GRIN2B: variants seen among roughly 807,000 people sequenced by gnomAD.
GRIN2B encodes the protein glutamate ionotropic receptor NMDA type subunit 2B.
A neutral mutation model predicts 114.5 loss-of-function variants in GRIN2B; 5 were observed. That is an observed-to-expected ratio of 0.04 (90% CI 0.02 to 0.09). GRIN2B has a LOEUF of 0.09. Among genes scored for constraint, GRIN2B ranks in the 10% least tolerant of loss-of-function variants. GRIN2B has a pLI of 1.00. For missense variants in GRIN2B, 1,108 were observed against 1,943.5 expected (o/e 0.57, Z 8.08); for synonymous variants, 787 against 745.1 (o/e 1.06, Z -0.92).
intron 3 of GRIN2B, among the ~76,000 whole-genome samples, chr12:13,819,106 C>T (rs1171643033): frequency 6.6e-6 from 1 of 152,060 alleles, no homozygotes; most frequent in Non-Finnish European, 1.5e-5. Flanking sequence ...AATCCTAATC[C>T]AATCTGACAA....
At chr12:13,771,460 A>G (rs556740451) in intron 3 of GRIN2B, among the ~76,000 whole-genome samples, 24 of 152,356 alleles carry the variant, frequency 1.6e-4, no homozygotes, top group Non-Finnish European at 2.8e-4. Flanking sequence ...ATTTCAAAAC[A>G]GAGCAGAAGC....
intron 5 of GRIN2B, among the ~76,000 whole-genome samples, chr12:13,636,298 G>A (rs1003549718): frequency 1.3e-5 from 2 of 152,200 alleles, no homozygotes; most frequent in African/African-American, 4.8e-5. Context: ...CAGAAAATCA[G>A]TCTGGTGAGA....
chr12:13,746,815 G>C (rs1432674521), intron 4 of GRIN2B, among the ~76,000 whole-genome samples: 3 of 152,138 alleles, frequency 2.0e-5, no homozygotes, highest in Non-Finnish European at 1.5e-5. Context: ...TATTTGAAGA[G>C]ACTGGCACTT....
At chr12:13,925,130 T>G (rs190269355) in intron 2 of GRIN2B, among the ~76,000 whole-genome samples, 1 of 152,312 alleles carries the variant, frequency 6.6e-6, no homozygotes, top group East Asian at 1.9e-4. Flanking sequence ...TGAAAAACAA[T>G]GGCTGAAGCG....
At chr12:13,779,047 T>C (rs1364697508) in intron 3 of GRIN2B, among the ~76,000 whole-genome samples, 1 of 152,094 alleles carries the variant, frequency 6.6e-6, no homozygotes, top group African/African-American at 2.4e-5. Context: ...TTGTTCCTCT[T>C]TATTTTATTT....
chr12:13,707,526 T>A (rs1403448365), intron 4 of GRIN2B, among the ~76,000 whole-genome samples: 1 of 152,100 alleles, frequency 6.6e-6, no homozygotes, highest in Non-Finnish European at 1.5e-5. Context: ...TTTCTTGGGG[T>A]CTTTGGAATG....
At chr12:13,934,495 G>T (rs983150605) in intron 2 of GRIN2B, among the ~76,000 whole-genome samples, 2 of 152,196 alleles carry the variant, frequency 1.3e-5, no homozygotes, top group Non-Finnish European at 1.5e-5. Flanking sequence ...ACACAAGACT[G>T]CAGGGCTTGT....
chr12:13,739,374 C>CAAAAAAAAAAAAAA (rs34320563), intron 4 of GRIN2B, among the ~76,000 whole-genome samples: 2 of 59,364 alleles, frequency 3.4e-5, no homozygotes, highest in African/African-American at 7.3e-5. Context: ...AACTCCGTCT[C>CAAAAAAAAAAAAAA]AAAAAAAAAA....
intron 3 of GRIN2B, among the ~76,000 whole-genome samples, chr12:13,847,883 C>T (rs554414026): frequency 7.2e-5 from 11 of 152,234 alleles, no homozygotes; most frequent in South Asian, 4.1e-4. Context: ...CATAAATCGT[C>T]GGAGTTCACC....
At chr12:13,757,619 G>C (rs1863600421) in intron 3 of GRIN2B, among the ~76,000 whole-genome samples, 1 of 152,154 alleles carries the variant, frequency 6.6e-6, no homozygotes, top group South Asian at 2.1e-4. Context: ...TCCTCCTAGT[G>C]AAGAATCCCA....
intron 3 of GRIN2B, among the ~76,000 whole-genome samples, chr12:13,862,500 C>T (rs1052531366): frequency 6.6e-6 from 1 of 152,088 alleles, no homozygotes; most frequent in African/African-American, 2.4e-5. Flanking sequence ...TACTATGAGC[C>T]TTCAGTGTGG....
chr12:13,899,115 C>T (rs980040077), intron 2 of GRIN2B, among the ~76,000 whole-genome samples: 1 of 152,060 alleles, frequency 6.6e-6, no homozygotes, highest in South Asian at 2.1e-4. Flanking sequence ...AAATTTAGAA[C>T]CTAACACTGT....
intron 3 of GRIN2B, among the ~76,000 whole-genome samples, chr12:13,770,533 AG>A (rs1208452086): frequency 6.6e-6 from 1 of 152,210 alleles, no homozygotes; most frequent in Admixed American, 6.5e-5. Flanking sequence ...GTGTGAGAGG[AG>A]GTTACAGAGT....
intron 2 of GRIN2B, among the ~76,000 whole-genome samples, chr12:13,962,720 G>T (rs571760779): frequency 6.6e-6 from 1 of 152,166 alleles, no homozygotes; most frequent in African/African-American, 2.4e-5. Flanking sequence ...GCTGGCAGGC[G>T]GGCGGGCGGG....
At chr12:13,708,145 A>G (rs931769099) in intron 4 of GRIN2B, among the ~76,000 whole-genome samples, 6 of 152,110 alleles carry the variant, frequency 3.9e-5, no homozygotes, top group African/African-American at 1.4e-4. Flanking sequence ...AAGGTTGTGA[A>G]TTTACCACTT....
In GRIN2B at chr12:13,615,749, A is replaced by G. The variant is rs1435246908; in HGVS notation, c.1329-85T>C. Reference sequence around the variant, plus strand: ...ATTTATTACCCTTTGCCATTAAAAAACCTCCAATCCCAAAGCAGGCCCCCT... The same window carrying G: ...ATTTATTACCCTTTGCCATTAAAAAGCCTCCAATCCCAAAGCAGGCCCCCT... On this transcript the variant is annotated intron_variant, in intron 6 of 13. Transcript: ENST00000609686. This position sits in a 1 kb window ranked among gnomAD's most constrained non-coding sequence, Gnocchi z 5.8. The G allele has an allele frequency of 1.7e-6, 2 of 1,168,832 alleles. No individual in the cohort carries two copies. Among genetic ancestry groups the G allele is most frequent in the East Asian group, 2.3e-5 (1 of 42,942 alleles). The allele number at this position is 1,168,832 out of a possible 1,614,324, so 72.4% of individuals were successfully genotyped here. A position where few individuals can be genotyped will look rare whatever the true frequency, so the allele number is the denominator to read the frequency against.
chr12:13,808,094 G>T (rs1464526523), intron 3 of GRIN2B, among the ~76,000 whole-genome samples: 2 of 152,066 alleles, frequency 1.3e-5, no homozygotes, highest in Non-Finnish European at 1.5e-5. Flanking sequence ...TTATGTTAGT[G>T]TCTAGACTGA....
At chr12:13,720,063 T>C (rs1470526904) in intron 4 of GRIN2B, among the ~76,000 whole-genome samples, 4 of 151,984 alleles carry the variant, frequency 2.6e-5, no homozygotes, top group African/African-American at 4.8e-5. Context: ...GGGAGCATGA[T>C]AGAAACAAAA....
rs193099470 is a variant in GRIN2B, at chr12:13,546,495, A to G, written c.*16288T>C. The G allele has an allele frequency of 1.3e-5, 2 of 152,242 alleles. No individual in the cohort carries two copies. Among genetic ancestry groups the G allele is most frequent in the East Asian group, 1.9e-4 (1 of 5,184 alleles). The allele number at this position is 152,242 out of a possible 1,614,324, so 9.4% of individuals were successfully genotyped here. ...TGGATGTGGGTGTCATCGTCTCTTCACCACCAAACCATTCTACCCCAATTT... is the reference window on the plus strand; with the variant it reads ...TGGATGTGGGTGTCATCGTCTCTTCGCCACCAAACCATTCTACCCCAATTT... On this transcript the variant is annotated 3_prime_UTR_variant, in exon 14 of 14. Transcript: ENST00000609686.
Sources: allele counts gnomAD v4.1 joint callset (sites outside exome capture counted in the v4.1 genomes callset), GRCh38; gene constraint gnomAD v4.1.1; non-coding constraint Gnocchi (gnomAD v3.1); transcripts MANE v1.5; gene names NCBI Gene and HGNC (gene_info 2026-07-23, HGNC 2026-07-21).